PIEZO2: variants seen among roughly 807,000 people sequenced by gnomAD.
PIEZO2 encodes piezo type mechanosensitive ion channel component 2.
PIEZO2 carries 172 observed loss-of-function variants against 337.3 expected under a neutral mutation model. That is an observed-to-expected ratio of 0.51 (90% confidence interval 0.45 to 0.58). The LOEUF (loss-of-function observed/expected upper bound fraction) is 0.58. Ranked by LOEUF, PIEZO2 falls within the 20% of genes least tolerant of loss-of-function variation. The probability of loss-of-function intolerance (pLI) is 0.00; values close to 1 mark genes in which losing one functional copy is unlikely to be tolerated. For missense variants in PIEZO2, 3,028 were observed against 3,391.3 expected (o/e 0.89, Z 2.66); for synonymous variants, 1,251 against 1,228.5 (o/e 1.02, Z -0.38).
intron 37 of PIEZO2, among the ~76,000 whole-genome samples, 157 bp from the exon 38 acceptor site, chr18:10,715,973 G>A (rs1215724089): frequency 2.0e-5 from 3 of 152,208 alleles, no homozygotes; most frequent in Non-Finnish European, 4.4e-5. Context: ...ACGGAGGAGA[G>A]CTGCCATGCA....
Position 10,759,439 on chromosome 18 carries a change from C to A in PIEZO2, c.3757+43G>T. On this transcript the variant is annotated intron_variant, in intron 26 of 55. Coordinates refer to ENST00000674853, the MANE Select transcript of PIEZO2 (RefSeq NM_001378183.1). The surrounding 1 kb of genome is among the most constrained non-coding windows in gnomAD (Gnocchi z 5.5). ...CACGTGAACAATGATTAACAGTAAA[C>A]CCGGATACCAGCACTCTGTGGCCCT... 1 of 1,476,816 alleles carries A rather than the reference C, an allele frequency of 6.8e-7. No individual in the cohort carries two copies. Among genetic ancestry groups the A allele is most frequent in the Non-Finnish European group, 9.1e-7 (1 of 1,093,770 alleles). 91.5% of individuals were successfully genotyped at this position (1,476,816 alleles called of 1,614,324 possible).
At chr18:11,107,299 A>C (rs993624251) in intron 1 of PIEZO2, among the ~76,000 whole-genome samples, 38 of 152,352 alleles carry the variant, frequency 2.5e-4, no homozygotes, top group African/African-American at 8.9e-4. Context: ...TATCATGATA[A>C]GCTTCCTTTG....
chr18:11,072,509 C>T (rs1021525171), intron 1 of PIEZO2, among the ~76,000 whole-genome samples: 1 of 152,156 alleles, frequency 6.6e-6, no homozygotes, highest in Non-Finnish European at 1.5e-5. Flanking sequence ...ATTGTACCAT[C>T]TTAAAGAGCA....
chr18:11,019,077 T>C (rs2036223466), intron 2 of PIEZO2, among the ~76,000 whole-genome samples: 2 of 152,164 alleles, frequency 1.3e-5, no homozygotes, highest in South Asian at 4.1e-4. Flanking sequence ...ACCTCCACGA[T>C]GTAACTTACA....
intron 4 of PIEZO2, among the ~76,000 whole-genome samples, chr18:10,889,895 C>T (rs1176763907): frequency 6.6e-6 from 1 of 152,198 alleles, no homozygotes; most frequent in Non-Finnish European, 1.5e-5. Context: ...CCAGGGGCTC[C>T]CCATCGGGGT....
In PIEZO2 at chr18:10,746,723, C is replaced by A. The variant is rs1040305297; in HGVS notation, c.4424+1748G>T. On this transcript the variant is annotated intron_variant, in intron 30 of 55. Coordinates refer to ENST00000674853, the MANE Select transcript of PIEZO2 (RefSeq NM_001378183.1). The surrounding 1 kb of genome is among the most constrained non-coding windows in gnomAD (Gnocchi z 4.2). ...TATAAAAGAAGCCCAAGGGGGGTCTCTTGCCCCTTCCACCAAAATAGGATG... is the reference window on the plus strand; with the variant it reads ...TATAAAAGAAGCCCAAGGGGGGTCTATTGCCCCTTCCACCAAAATAGGATG... Among the ~76,000 whole-genome samples the A allele has an allele frequency of 6.6e-6, 1 of 152,188 alleles. No homozygotes were observed. The highest frequency in any genetic ancestry group is 1.5e-5 in the Non-Finnish European group (1 of 68,026).
chr18:10,750,078 T>A lies in PIEZO2; in HGVS notation c.4264+13A>T. On this transcript the variant is annotated intron_variant, in intron 29 of 55. Transcript: ENST00000674853. This position sits in a 1 kb window ranked among gnomAD's most constrained non-coding sequence, Gnocchi z 4.1. ...TCTGCCTTTCTGCCTTCACACTTGC[T>A]TTTCATACTTACGCATTTGATAGCC... The A allele has an allele frequency of 3.3e-6, 5 of 1,529,066 alleles. No individual in the cohort carries two copies. The highest frequency in any genetic ancestry group is 4.4e-6 in the Non-Finnish European group (5 of 1,139,420). The allele number at this position is 1,529,066 out of a possible 1,614,324, so 94.7% of individuals were successfully genotyped here.
chr18:10,993,233 T>C lies in PIEZO2; in HGVS notation c.161-13573A>G, dbSNP rs915229411. 2.0e-5 allele frequency among the ~76,000 whole-genome samples: 3 copies of C among 152,192 alleles called. No homozygotes were observed. Among genetic ancestry groups the C allele is most frequent in the Non-Finnish European group, 4.4e-5 (3 of 68,028 alleles). On this transcript the variant is annotated intron_variant, in intron 2 of 55. Transcript: ENST00000674853. This position sits in a 1 kb window ranked among gnomAD's most constrained non-coding sequence, Gnocchi z 5.0. ...CGCTTTATTTCCTTCTCTTGCCTGA[T>C]TGCCCTGGCCAGAACTTCCAATACT... is the stretch of plus-strand genomic sequence containing the variant.
intron 4 of PIEZO2, among the ~76,000 whole-genome samples, chr18:10,901,198 T>C (rs1048903483): frequency 2.6e-5 from 4 of 152,188 alleles, no homozygotes; most frequent in Non-Finnish European, 4.4e-5. Context: ...GTTTGCCTCA[T>C]TGTATCAAAG....
Position 10,677,624 on chromosome 18 carries a change from A to C in PIEZO2, c.8081+123T>G. ...TTGCAAAATGGGGCCTCCAAATAGAAATTAACTTTGTGTTACCAAAGAATG... is the reference window on the plus strand; with the variant it reads ...TTGCAAAATGGGGCCTCCAAATAGACATTAACTTTGTGTTACCAAAGAATG... On this transcript the variant is annotated intron_variant, in intron 53 of 55. Coordinates refer to ENST00000674853, the MANE Select transcript of PIEZO2 (RefSeq NM_001378183.1). The surrounding 1 kb of genome is among the most constrained non-coding windows in gnomAD (Gnocchi z 4.1). 8.8e-6 allele frequency: 11 copies of C among 1,248,568 alleles called. 1 individual carries two copies. The South Asian group carries it at 1.5e-4, about 17-fold the overall frequency. 77.3% of individuals were successfully genotyped at this position (1,248,568 alleles called of 1,614,324 possible). A position where few individuals can be genotyped will look rare whatever the true frequency, so the allele number is the denominator to read the frequency against.
intron 3 of PIEZO2, among the ~76,000 whole-genome samples, chr18:10,975,739 G>A (rs2034417634): frequency 6.6e-6 from 1 of 152,150 alleles, no homozygotes; most frequent in Non-Finnish European, 1.5e-5. Flanking sequence ...GTGAGGGTAT[G>A]CATTTTAAAT....
intron 4 of PIEZO2, among the ~76,000 whole-genome samples, chr18:10,884,534 A>G (rs1470639145): frequency 1.3e-5 from 2 of 152,166 alleles, no homozygotes; most frequent in Non-Finnish European, 2.9e-5. Flanking sequence ...ACATCCTGAA[A>G]TGGCTTGCCT....
intron 35 of PIEZO2, among the ~76,000 whole-genome samples, chr18:10,731,842 G>T (rs2036800819): frequency 6.6e-6 from 1 of 152,102 alleles, no homozygotes; most frequent in African/African-American, 2.4e-5. Flanking sequence ...TCCACAATAG[G>T]TATAAGCTGG....
chr18:10,836,558 G>A (rs897365479), intron 7 of PIEZO2, among the ~76,000 whole-genome samples: 3 of 152,120 alleles, frequency 2.0e-5, no homozygotes, highest in Non-Finnish European at 2.9e-5. Flanking sequence ...TTACTTTGTG[G>A]CTAATTACTA....
intron 2 of PIEZO2, among the ~76,000 whole-genome samples, chr18:11,030,220 A>C (rs2036681569): frequency 6.6e-6 from 1 of 152,252 alleles, no homozygotes; most frequent in South Asian, 2.1e-4. Flanking sequence ...CTCGCTACTT[A>C]TGGTCACATT....
intron 7 of PIEZO2, among the ~76,000 whole-genome samples, chr18:10,807,727 C>T (rs745410557): frequency 2.6e-5 from 4 of 152,062 alleles, no homozygotes; most frequent in South Asian, 4.1e-4. Context: ...TTGTACTCAG[C>T]TAGTGTTGAC....
At chr18:10,936,914 C>G (rs1242507403) in intron 3 of PIEZO2, among the ~76,000 whole-genome samples, 1 of 152,162 alleles carries the variant, frequency 6.6e-6, no homozygotes. Flanking sequence ...AGCCCTTTAG[C>G]TACTGACTCC....
chr18:10,867,049 A>T lies in PIEZO2; in HGVS notation c.492+4204T>A, dbSNP rs538973091. The stretch of plus-strand genomic sequence containing the variant: ...CAGTGACAGCCTTTAGCACAACAAC[A>T]AAGAAGGCTTTCCATTCACACTAAG... On this transcript the variant is annotated intron_variant, in intron 5 of 55. Coordinates refer to ENST00000674853, the MANE Select transcript of PIEZO2 (RefSeq NM_001378183.1). 2.0e-4 allele frequency among the ~76,000 whole-genome samples: 30 copies of T among 152,272 alleles called. No homozygotes were observed. In the South Asian group the frequency reaches 3.7e-3, roughly 19 times the overall value.
intron 9 of PIEZO2, 112 bp downstream of exon 9, chr18:10,803,763 A>G (rs1224872159): frequency 1.3e-5 from 18 of 1,344,000 alleles, no homozygotes; most frequent in Non-Finnish European, 5.9e-6. Context: ...TCTATAAACT[A>G]CAAGCAACCT....
Sources: allele counts gnomAD v4.1 joint callset (sites outside exome capture counted in the v4.1 genomes callset), GRCh38; gene constraint gnomAD v4.1.1; non-coding constraint Gnocchi (gnomAD v3.1); transcripts MANE v1.5; gene names NCBI Gene and HGNC (gene_info 2026-07-23, HGNC 2026-07-21).